Variants in ADGRB3 observed in about 807,000 individuals in gnomAD.
ADGRB3 encodes the protein adhesion G protein-coupled receptor B3.
In ADGRB3, 37 loss-of-function variants were observed where a neutral mutation model predicts 193.4. The ratio of observed to expected loss-of-function variants is 0.19; its 90% CI spans 0.15 to 0.25. The LOEUF (loss-of-function observed/expected upper bound fraction) is 0.25, where lower values mean the gene tolerates loss of function less well. Among genes scored for constraint, ADGRB3 ranks in the 10% least tolerant of loss-of-function variants. ADGRB3 has a pLI of 1.00. For missense variants in ADGRB3, 1,637 were observed against 1,852.9 expected, an observed-to-expected ratio of 0.88 and a Z score of 2.14; for synonymous variants, 690 against 644.2, an observed-to-expected ratio of 1.07 and a Z score of -1.08.
chr6:68,837,501 T>C (rs928930076), intron 3 of ADGRB3, among the ~76,000 whole-genome samples: 3 of 152,192 alleles, frequency 2.0e-5, no homozygotes, highest in Non-Finnish European at 2.9e-5. Flanking sequence ...TGATATAACA[T>C]AGATAAATGT....
At chr6:68,947,846 C>T (rs79065809) in intron 6 of ADGRB3, among the ~76,000 whole-genome samples, 2,275 of 152,200 alleles carry the variant, frequency 0.015, 56 homozygotes, top group African/African-American at 0.05. Flanking sequence ...AGTATGTTAA[C>T]GCCCTTCAAC....
intron 17 of ADGRB3, among the ~76,000 whole-genome samples, chr6:69,175,094 C>T (rs1286895803): frequency 6.6e-6 from 1 of 152,134 alleles, no homozygotes; most frequent in African/African-American, 2.4e-5. Flanking sequence ...TACTGCTATG[C>T]AGAAGCTCTT....
chr6:69,297,288 T>C (rs2127294952), intron 20 of ADGRB3, among the ~76,000 whole-genome samples: 1 of 151,786 alleles, frequency 6.6e-6, no homozygotes, highest in Non-Finnish European at 1.5e-5. Flanking sequence ...CTACTTTCTA[T>C]TAGTTCCATA....
intron 3 of ADGRB3, among the ~76,000 whole-genome samples, chr6:68,660,299 T>C (rs1023219649): frequency 6.6e-6 from 1 of 150,396 alleles, no homozygotes; most frequent in African/African-American, 2.4e-5. Context: ...GTTTTTACCT[T>C]TTTTAGTGAA....
At chr6:68,752,698 C>T (rs1766223706) in intron 3 of ADGRB3, among the ~76,000 whole-genome samples, 1 of 152,154 alleles carries the variant, frequency 6.6e-6, no homozygotes. Context: ...TCTTGAGTGT[C>T]AAGCTGAGCT....
At chr6:69,326,715 A>AT (rs959999203) in intron 21 of ADGRB3, among the ~76,000 whole-genome samples, 5 of 151,646 alleles carry the variant, frequency 3.3e-5, no homozygotes, top group East Asian at 3.9e-4. Context: ...CCCATGAGGA[A>AT]TTTTTTTTTC....
At chr6:69,197,314 G>A (rs1160302828) in intron 17 of ADGRB3, among the ~76,000 whole-genome samples, 1 of 151,822 alleles carries the variant, frequency 6.6e-6, no homozygotes, top group Non-Finnish European at 1.5e-5. Flanking sequence ...TTTATATATG[G>A]TAAGTGTTTA....
At chr6:68,785,794 A>T (rs564120164) in intron 3 of ADGRB3, among the ~76,000 whole-genome samples, 7 of 152,136 alleles carry the variant, frequency 4.6e-5, no homozygotes, top group African/African-American at 1.7e-4. Context: ...GTGTTCCTAT[A>T]TCTCTACATC....
chr6:69,343,636 A>G (rs537709963), intron 26 of ADGRB3, among the ~76,000 whole-genome samples: 1 of 152,132 alleles, frequency 6.6e-6, no homozygotes, highest in Non-Finnish European at 1.5e-5. Context: ...TATAAAATTT[A>G]TATTCTTGAA....
intron 3 of ADGRB3, among the ~76,000 whole-genome samples, chr6:68,854,660 T>A (rs968381875): frequency 2.6e-5 from 4 of 152,070 alleles, no homozygotes; most frequent in Non-Finnish European, 4.4e-5. Context: ...AAAAGAAATG[T>A]CCTCCCTGTG....
chr6:69,215,362 T>C (rs1181705628), intron 17 of ADGRB3, among the ~76,000 whole-genome samples: 1 of 152,124 alleles, frequency 6.6e-6, no homozygotes, highest in Non-Finnish European at 1.5e-5. Flanking sequence ...AATAAAATGT[T>C]AAAAAGAAAA....
chr6:69,119,518 G>A (rs1016987979), intron 17 of ADGRB3, among the ~76,000 whole-genome samples: 2 of 152,224 alleles, frequency 1.3e-5, no homozygotes, highest in African/African-American at 4.8e-5. Context: ...GAATTGTGGT[G>A]GGATATGGTC....
intron 29 of ADGRB3, 81 bp downstream of exon 29, chr6:69,361,593 T>C (rs970142342): frequency 1.5e-5 from 22 of 1,433,996 alleles, no homozygotes; most frequent in African/African-American, 5.8e-5. Context: ...GATTGGTTGA[T>C]TGATTGATGT....
intron 20 of ADGRB3, among the ~76,000 whole-genome samples, chr6:69,315,008 TTC>T (rs1201412800): frequency 6.6e-6 from 1 of 151,502 alleles, no homozygotes; most frequent in Non-Finnish European, 1.5e-5. Flanking sequence ...AATGGTGCAT[TTC>T]TCTGTTTTAG....
chr6:68,904,866 T>A (rs569362293), intron 3 of ADGRB3, among the ~76,000 whole-genome samples: 1 of 152,286 alleles, frequency 6.6e-6, no homozygotes, highest in East Asian at 1.9e-4. Context: ...AAACACCCAA[T>A]CTAATGAAGC....
intron 3 of ADGRB3, among the ~76,000 whole-genome samples, chr6:68,642,246 A>C (rs1351159344): frequency 6.6e-6 from 1 of 152,154 alleles, no homozygotes; most frequent in Non-Finnish European, 1.5e-5. Flanking sequence ...AAGAGTCTTC[A>C]CACTTAGTAG....
rs192148156 is a variant in ADGRB3, at chr6:68,804,917, A to G, written c.758-125642A>G. ...TTTGGTTTCCCACAGTATTTTTTTAATTGTATTTTTATTTATTTATTTATT... is the reference window on the plus strand; with the variant it reads ...TTTGGTTTCCCACAGTATTTTTTTAGTTGTATTTTTATTTATTTATTTATT... On this transcript the variant is annotated intron_variant, in intron 3 of 31. Transcript: ENST00000370598. 9.0e-4 allele frequency among the ~76,000 whole-genome samples: 136 copies of G among 151,274 alleles called. 1 individual carries two copies. Among genetic ancestry groups the G allele is most frequent in the Non-Finnish European group, 3.8e-4 (26 of 67,782 alleles).
chr6:69,243,633 A>G (rs953618150), intron 20 of ADGRB3, among the ~76,000 whole-genome samples: 1 of 152,032 alleles, frequency 6.6e-6, no homozygotes, highest in East Asian at 1.9e-4. Flanking sequence ...GAATCCATTA[A>G]TACATTCATT....
chr6:68,663,783 G>T (rs1298954291), intron 3 of ADGRB3, among the ~76,000 whole-genome samples: 1 of 151,754 alleles, frequency 6.6e-6, no homozygotes, highest in Non-Finnish European at 1.5e-5. Context: ...AGAGCATTTG[G>T]CTTTCTACTG....
Sources: allele counts gnomAD v4.1 joint callset (sites outside exome capture counted in the v4.1 genomes callset), GRCh38; gene constraint gnomAD v4.1.1; transcripts MANE v1.5; gene names NCBI Gene and HGNC (gene_info 2026-07-23, HGNC 2026-07-21).